The following VTCN1 variants were observed in gnomAD, a reference collection of about 807,000 sequenced individuals.
The protein encoded by VTCN1 is V-set domain-containing T-cell activation inhibitor 1.
In VTCN1, 26 loss-of-function variants were observed where a neutral mutation model predicts 26.5. That is an observed-to-expected ratio of 0.98 (90% CI 0.72 to 1.36). The LOEUF is 1.36. Ranked by LOEUF, VTCN1 falls within the 40% of genes most tolerant of loss-of-function variation. The pLI is 0.00. For synonymous variants in VTCN1, 116 were observed against 130.7 expected (o/e 0.89, Z 0.77); for missense variants, 298 against 337.7 (o/e 0.88, Z 0.92).
intron 4 of VTCN1, among the ~76,000 whole-genome samples, chr1:117,151,311 G>T (rs1164973663): frequency 6.6e-6 from 1 of 151,980 alleles, no homozygotes; most frequent in Non-Finnish European, 1.5e-5. Context: ...CCTCCCAGTG[G>T]GTTTGTGGTC....
At chr1:117,207,527 C>T (rs1039561504) in intron 1 of VTCN1, among the ~76,000 whole-genome samples, 19 of 152,068 alleles carry the variant, frequency 1.2e-4, no homozygotes, top group African/African-American at 4.6e-4. Flanking sequence ...CCTCCACATG[C>T]TCTCCGTAGG....
rs1651598233 is a variant in VTCN1 at position 117,147,881 on chromosome 1, AG to A, written c.725-100del. 1.3e-6 allele frequency: 2 copies of A among 1,487,786 alleles called. No homozygotes were observed. The highest frequency in any genetic ancestry group is 4.7e-5 in the East Asian group (2 of 42,454). The allele number at this position is 1,487,786 out of a possible 1,614,324, so 92.2% of individuals were successfully genotyped here. On this transcript the variant is annotated intron_variant, in intron 4 of 5. Coordinates refer to ENST00000369458, the MANE Select transcript of VTCN1 (RefSeq NM_024626.4). This position sits in a 1 kb window ranked among gnomAD's most constrained non-coding sequence, Gnocchi z 4.6. ...AGAAAAGTACCTGAAAAACAGAACA[AG>A]TTGTTCCTAATTCAGGCAATTTTTT...
chr1:117,176,300 C>T (rs2101540341), intron 1 of VTCN1, among the ~76,000 whole-genome samples: 1 of 152,224 alleles, frequency 6.6e-6, no homozygotes, highest in South Asian at 2.1e-4. Flanking sequence ...AATGTCAGGT[C>T]TCAATTTGAG....
At chr1:117,185,937 C>T (rs1570975648) in intron 1 of VTCN1, among the ~76,000 whole-genome samples, 1 of 152,114 alleles carries the variant, frequency 6.6e-6, no homozygotes, top group East Asian at 1.9e-4. Flanking sequence ...CAAGCTGTAC[C>T]CTAACCACCT....
rs192280873 is a variant in VTCN1 at position 117,156,387 on chromosome 1, C to T, written c.445+187G>A. Among the ~76,000 whole-genome samples the T allele has an allele frequency of 2.0e-5, 3 of 152,266 alleles. No individual in the cohort carries two copies. In the East Asian group the frequency reaches 5.8e-4, roughly 29 times the overall value. On this transcript the variant is annotated intron_variant, in intron 3 of 5. Coordinates refer to ENST00000369458, the MANE Select transcript of VTCN1 (RefSeq NM_024626.4). ...ACCCAGAACAAAAGATTTTTAAGGC[C>T]TCTCTTATAGTTGGCTACTTTTGGG... is the stretch of plus-strand genomic sequence containing the variant.
Position 117,209,849 on chromosome 1 carries a change from C to A in VTCN1, c.32+975G>T, listed in dbSNP as rs138164676. 6.4e-4 allele frequency among the ~76,000 whole-genome samples: 98 copies of A among 152,350 alleles called. 2 individuals carry two copies. The South Asian group carries it at 8.1e-3, about 13-fold the overall frequency. ...GTTTCAAGGAAAAGAACTTTCTAGGCTGCCTCTGGGAAGTAACATTACTCT... is the reference window on the plus strand; with the variant it reads ...GTTTCAAGGAAAAGAACTTTCTAGGATGCCTCTGGGAAGTAACATTACTCT... On this transcript the variant is annotated intron_variant, in intron 1 of 5. Transcript: ENST00000369458.
Position 117,167,132 on chromosome 1 carries a change from G to C in VTCN1, c.97+2975C>G, listed in dbSNP as rs1429097982. Among the ~76,000 whole-genome samples the C allele has an allele frequency of 6.6e-6, 1 of 150,616 alleles. No individual in the cohort carries two copies. Among genetic ancestry groups the C allele is most frequent in the Non-Finnish European group, 1.5e-5 (1 of 67,792 alleles). ...ATATATATGTATGTAAACATAAAAT[G>C]TATATATACATACATGACATTATAT... On this transcript the variant is annotated intron_variant, in intron 2 of 5. Coordinates refer to ENST00000369458, the MANE Select transcript of VTCN1 (RefSeq NM_024626.4). The surrounding 1 kb of genome is among the most constrained non-coding windows in gnomAD (Gnocchi z 4.1).
chr1:117,162,955 C>T (rs1244740577), intron 2 of VTCN1, among the ~76,000 whole-genome samples: 1 of 152,192 alleles, frequency 6.6e-6, no homozygotes, highest in Non-Finnish European at 1.5e-5. Context: ...CAGGTTCGTA[C>T]ATTCCAGTAG....
At chr1:117,181,332 G>A (rs752294038) in intron 1 of VTCN1, among the ~76,000 whole-genome samples, 4 of 151,976 alleles carry the variant, frequency 2.6e-5, no homozygotes, top group African/African-American at 4.8e-5. Context: ...GCTTATGAAA[G>A]TTCAAACTGT....
intron 1 of VTCN1, among the ~76,000 whole-genome samples, chr1:117,180,125 C>A (rs1489524358): frequency 2.0e-5 from 3 of 152,160 alleles, no homozygotes; most frequent in Non-Finnish European, 2.9e-5. Context: ...CTCTCCCCCC[C>A]AGGAAGTGTC....
At chr1:117,209,122 T>A (rs915603862) in intron 1 of VTCN1, among the ~76,000 whole-genome samples, 4 of 152,162 alleles carry the variant, frequency 2.6e-5, no homozygotes, top group Non-Finnish European at 4.4e-5. Context: ...TCGCTGCTTC[T>A]GAAACTGCAG....
At position 117,156,582 on chromosome 1, in the gene VTCN1, T is replaced by G; in HGVS notation, c.437A>C (p.Lys146Thr). 1 of 1,581,820 alleles carries G rather than the reference T, an allele frequency of 6.3e-7. No individual in the cohort carries two copies. The highest frequency in any genetic ancestry group is 8.6e-7 in the Non-Finnish European group (1 of 1,165,152). Residue 146 changes from lysine to threonine, a missense_variant, in exon 3 of 6, where the codon AAA becomes ACA. Coordinates refer to ENST00000369458, the MANE Select transcript of VTCN1 (RefSeq NM_024626.4). ...CTCCAAAAGTAACTCACCTCCAGTT[T>G]TATACTCAAGGTTAGCATTCCCCTT... Reference protein sequence around the residue: ...KGKGNANLEYKTGAFSMPEVN... With the variant: ...KGKGNANLEYTTGAFSMPEVN...
chr1:117,161,041 T>C lies in VTCN1; in HGVS notation c.98-4120A>G, dbSNP rs1652341530. On this transcript the variant is annotated intron_variant, in intron 2 of 5. Transcript: ENST00000369458. The surrounding 1 kb of genome is among the most constrained non-coding windows in gnomAD (Gnocchi z 4.3). ...CTTGAGAGCGTGAGAAAAGACACTT[T>C]GGAAGCAGCTGCCATGCATGGCCAT... is the stretch of plus-strand genomic sequence containing the variant. Among the ~76,000 whole-genome samples, 1 of 152,192 alleles carries C rather than the reference T, an allele frequency of 6.6e-6. No individual in the cohort carries two copies. The highest frequency in any genetic ancestry group is 6.5e-5 in the Admixed American group (1 of 15,274).
chr1:117,147,512 A>C lies in VTCN1; in HGVS notation c.*45+101T>G, dbSNP rs1003269106. The C allele has an allele frequency of 2.0e-6, 2 of 996,914 alleles. No individual in the cohort carries two copies. Among genetic ancestry groups the C allele is most frequent in the African/African-American group, 3.2e-5 (2 of 62,088 alleles). The allele number at this position is 996,914 out of a possible 1,614,324, so 61.8% of individuals were successfully genotyped here. ...TAATGTCACAGCCCTGGTGTCATTA[A>C]ATGTTTCTTTCTGTGGCTGATGCTG... On this transcript the variant is annotated intron_variant, in intron 5 of 5. Coordinates refer to ENST00000369458, the MANE Select transcript of VTCN1 (RefSeq NM_024626.4). This position sits in a 1 kb window ranked among gnomAD's most constrained non-coding sequence, Gnocchi z 4.6.
chr1:117,203,391 ACTGT>A (rs1424614207), intron 1 of VTCN1, among the ~76,000 whole-genome samples: 1 of 152,090 alleles, frequency 6.6e-6, no homozygotes, highest in Non-Finnish European at 1.5e-5. Context: ...TTATGGATGC[ACTGT>A]CTGTCTCTCA....
intron 2 of VTCN1, among the ~76,000 whole-genome samples, chr1:117,157,511 T>C (rs1652149934): frequency 1.3e-5 from 2 of 152,088 alleles, no homozygotes; most frequent in Non-Finnish European, 2.9e-5. Flanking sequence ...CAGATCTCAT[T>C]AGACTTACTC....
rs188571595 is a variant in VTCN1 at position 117,156,585 on chromosome 1, T to C, written c.434A>G (p.Tyr145Cys). The change falls in exon 3 of 6, where the codon TAT (tyrosine) becomes TGT (cysteine). Residue 145 changes from tyrosine to cysteine, a missense_variant. Transcript: ENST00000369458. ...SKGKGNANLE[Y>C]KTGAFSMPEV... Reference sequence around the variant, plus strand: ...CAAAAGTAACTCACCTCCAGTTTTATACTCAAGGTTAGCATTCCCCTTGCC... The same window carrying C: ...CAAAAGTAACTCACCTCCAGTTTTACACTCAAGGTTAGCATTCCCCTTGCC... The C allele has an allele frequency of 6.3e-7, 1 of 1,584,780 alleles. No homozygotes were observed.
intron 1 of VTCN1, among the ~76,000 whole-genome samples, chr1:117,187,357 C>T (rs1648000219): frequency 6.8e-6 from 1 of 147,612 alleles, no homozygotes; most frequent in African/African-American, 2.5e-5. Flanking sequence ...ACCCACTTTA[C>T]CAATTTAACA....
intron 3 of VTCN1, 123 bp downstream of exon 3, chr1:117,156,451 T>C (rs768730246): frequency 4.5e-6 from 5 of 1,100,290 alleles, no homozygotes; most frequent in Non-Finnish European, 6.3e-6. Flanking sequence ...CAAAAACAGC[T>C]GTTAGCAGAA....
Sources: gnomAD v4.1 joint callset for allele counts (sites outside exome capture counted in the v4.1 genomes callset) on GRCh38, gnomAD v4.1.1 for gene constraint, Gnocchi (gnomAD v3.1) non-coding constraint, MANE v1.5 for transcripts, NCBI Gene and HGNC (gene_info 2026-07-23, HGNC 2026-07-21) for gene names.